The following GALNTL6 variants were observed in gnomAD, a reference collection of about 807,000 sequenced individuals.
GALNTL6 encodes polypeptide N-acetylgalactosaminyltransferase like 6.
A neutral mutation model predicts 73.7 loss-of-function variants in GALNTL6; 46 were observed. The observed-to-expected ratio is 0.62, with a 90% CI of 0.49 to 0.80. The LOEUF (loss-of-function observed/expected upper bound fraction) is 0.80. Among genes scored for constraint, GALNTL6 ranks in the 30% least tolerant of loss-of-function variants. The pLI, the probability that GALNTL6 is intolerant of heterozygous loss-of-function variation, is 0.00. For missense variants in GALNTL6, 604 were observed against 755.0 expected (o/e 0.80, Z 2.34); for synonymous variants, 259 against 263.7 (o/e 0.98, Z 0.17).
intron 5 of GALNTL6, among the ~76,000 whole-genome samples, chr4:172,782,034 G>A (rs917146014): frequency 4.0e-5 from 6 of 151,824 alleles, no homozygotes; most frequent in African/African-American, 1.5e-4. Context: ...ATCCCTAATA[G>A]GTCTCAGCAC....
chr4:172,360,366 A>G (rs1303279672), intron 5 of GALNTL6, among the ~76,000 whole-genome samples: 2 of 152,166 alleles, frequency 1.3e-5, no homozygotes, highest in Admixed American at 1.3e-4. Context: ...TCACTTAATA[A>G]TTATTACCTT....
intron 10 of GALNTL6, among the ~76,000 whole-genome samples, chr4:172,969,983 T>A (rs1457529440): frequency 6.6e-6 from 1 of 152,114 alleles, no homozygotes; most frequent in African/African-American, 2.4e-5. Flanking sequence ...CAGCCAGGGG[T>A]GACATCACGT....
intron 5 of GALNTL6, among the ~76,000 whole-genome samples, chr4:172,633,259 C>A (rs760731067): frequency 3.3e-5 from 5 of 152,164 alleles, no homozygotes; most frequent in Non-Finnish European, 7.4e-5. Flanking sequence ...ACACTCAACA[C>A]CAGCAGCTGA....
At chr4:172,189,568 TAAA>T (rs1399784661) in intron 2 of GALNTL6, among the ~76,000 whole-genome samples, 1 of 152,154 alleles carries the variant, frequency 6.6e-6, no homozygotes, top group African/African-American at 2.4e-5. Flanking sequence ...GGTAAAATGT[TAAA>T]AAGAATACCT....
chr4:172,482,113 G>A (rs1051411556), intron 5 of GALNTL6, among the ~76,000 whole-genome samples: 9 of 152,168 alleles, frequency 5.9e-5, no homozygotes, highest in Non-Finnish European at 1.0e-4. Flanking sequence ...CTGCTGGCCC[G>A]GGTGCTAAGC....
chr4:171,984,451 C>T (rs1006720631), intron 2 of GALNTL6, among the ~76,000 whole-genome samples: 1 of 152,082 alleles, frequency 6.6e-6, no homozygotes, highest in Non-Finnish European at 1.5e-5. Flanking sequence ...ATTGAGTTGG[C>T]ATTTTTGTGG....
At chr4:172,319,556 G>T (rs996192705) in intron 4 of GALNTL6, among the ~76,000 whole-genome samples, 11 of 152,100 alleles carry the variant, frequency 7.2e-5, no homozygotes, top group African/African-American at 2.2e-4. Context: ...AAGAAAAACT[G>T]TCTCTATAAA....
At chr4:171,928,212 G>C (rs1738052919) in intron 2 of GALNTL6, among the ~76,000 whole-genome samples, 1 of 152,162 alleles carries the variant, frequency 6.6e-6, no homozygotes, top group African/African-American at 2.4e-5. Context: ...AAAATAAGTA[G>C]TGTTGTAAAA....
At chr4:172,676,966 T>C (rs1218324396) in intron 5 of GALNTL6, among the ~76,000 whole-genome samples, 2 of 152,204 alleles carry the variant, frequency 1.3e-5, no homozygotes, top group African/African-American at 4.8e-5. Context: ...TTCTTCTTCT[T>C]CTACTTCAGA....
rs1735074679 is a variant in GALNTL6 at position 172,177,791 on chromosome 4, A to ATATATATATACACACATATATGTGTGTG, written c.139-51857_139-51856insTACACACATATATGTGTGTGTATATATA. 1.1e-4 allele frequency among the ~76,000 whole-genome samples: 11 copies of ATATATATATACACACATATATGTGTGTG among 101,788 alleles called. No homozygotes were observed. The South Asian group carries it at 2.4e-3, about 22-fold the overall frequency. 66.8% of individuals were successfully genotyped at this position (101,788 alleles called of 152,430 possible). On this transcript the variant is annotated intron_variant, in intron 2 of 12. Transcript: ENST00000506823. ...TATGTACACATATATACACATGTGT[A>ATATATATATACACACATATATGTGTGTG]TATATATACACACACATATATGTGT...
intron 3 of GALNTL6, among the ~76,000 whole-genome samples, chr4:172,251,908 A>G (rs1737893891): frequency 6.6e-6 from 1 of 152,104 alleles, no homozygotes; most frequent in Admixed American, 6.6e-5. Context: ...GAAACTATAA[A>G]AAAAGACTCT....
At chr4:172,150,196 C>T (rs929984806) in intron 2 of GALNTL6, among the ~76,000 whole-genome samples, 2 of 152,164 alleles carry the variant, frequency 1.3e-5, no homozygotes, top group Non-Finnish European at 2.9e-5. Flanking sequence ...TCAGTGGAAA[C>T]TGATTTTTGA....
chr4:171,864,053 C>T (rs571951352), intron 2 of GALNTL6, among the ~76,000 whole-genome samples: 8 of 152,212 alleles, frequency 5.3e-5, no homozygotes, highest in African/African-American at 1.9e-4. Flanking sequence ...TGAGCCATGG[C>T]ACCCAGAAGG....
chr4:172,964,407 G>T (rs1750230319), intron 10 of GALNTL6, among the ~76,000 whole-genome samples: 1 of 152,194 alleles, frequency 6.6e-6, no homozygotes, highest in Non-Finnish European at 1.5e-5. Context: ...CTTTTAAGAA[G>T]TGTCTGCTTA....
chr4:171,936,570 A>T (rs1262208088), intron 2 of GALNTL6, among the ~76,000 whole-genome samples: 1 of 152,170 alleles, frequency 6.6e-6, no homozygotes, highest in Non-Finnish European at 1.5e-5. Flanking sequence ...GTAATAAATT[A>T]CTTTGTGAAG....
At chr4:172,279,517 A>G (rs1738966824) in intron 3 of GALNTL6, among the ~76,000 whole-genome samples, 2 of 152,138 alleles carry the variant, frequency 1.3e-5, no homozygotes, top group Non-Finnish European at 2.9e-5. Flanking sequence ...ATAAAATATC[A>G]TCTCACACCC....
intron 5 of GALNTL6, among the ~76,000 whole-genome samples, chr4:172,743,655 A>C (rs1736929690): frequency 6.6e-6 from 1 of 152,078 alleles, no homozygotes. Context: ...GACCAGTATG[A>C]TGCTCAGTGT....
intron 2 of GALNTL6, among the ~76,000 whole-genome samples, chr4:171,841,614 T>C (rs561106567): frequency 2.6e-4 from 39 of 152,172 alleles, no homozygotes; most frequent in African/African-American, 9.1e-4. Context: ...GAAATACTAA[T>C]GAAACTAGCT....
intron 2 of GALNTL6, among the ~76,000 whole-genome samples, chr4:172,037,334 A>G (rs1033805640): frequency 5.3e-5 from 8 of 152,146 alleles, no homozygotes; most frequent in African/African-American, 1.9e-4. Context: ...CCCACTGCAC[A>G]GCAATCCTCT....
Sources: gnomAD v4.1 joint callset for allele counts (sites outside exome capture counted in the v4.1 genomes callset) on GRCh38, gnomAD v4.1.1 for gene constraint, MANE v1.5 for transcripts, NCBI Gene and HGNC (gene_info 2026-07-23, HGNC 2026-07-21) for gene names.